The following GUCA1C variants were observed in gnomAD, a reference collection of about 807,000 sequenced individuals.
GUCA1C encodes guanylyl cyclase-activating protein 3.
Under a neutral mutation model 16.2 loss-of-function variants are expected in GUCA1C, and 15 were observed. The observed-to-expected ratio is 0.93, with a 90% CI of 0.62 to 1.43. The LOEUF is 1.43. Ranked by LOEUF, GUCA1C falls within the 40% of genes most tolerant of loss-of-function variation. The probability of loss-of-function intolerance (pLI) is 0.00; values close to 1 mark genes in which losing one functional copy is unlikely to be tolerated. For missense variants in GUCA1C, 275 were observed against 244.8 expected (o/e 1.12, Z -0.82); for synonymous variants, 78 against 85.4 (o/e 0.91, Z 0.48).
intron 1 of GUCA1C, among the ~76,000 whole-genome samples, chr3:108,949,085 T>A (rs1490236006): frequency 6.6e-6 from 1 of 152,132 alleles, no homozygotes; most frequent in Non-Finnish European, 1.5e-5. Flanking sequence ...TGACCTCAAG[T>A]GATTTGCCTG....
intron 1 of GUCA1C, among the ~76,000 whole-genome samples, chr3:108,933,623 C>T (rs1946692735): frequency 6.6e-6 from 1 of 152,166 alleles, no homozygotes; most frequent in South Asian, 2.1e-4. Context: ...ATCAAAACCA[C>T]AGTGAGATAT....
At chr3:108,936,094 G>A (rs564464743) in intron 1 of GUCA1C, among the ~76,000 whole-genome samples, 1 of 152,100 alleles carries the variant, frequency 6.6e-6, no homozygotes, top group African/African-American at 2.4e-5. Flanking sequence ...GTGAAGCCCC[G>A]TCTCTACAAA....
intron 1 of GUCA1C, among the ~76,000 whole-genome samples, chr3:108,944,078 G>A (rs530777197): frequency 6.6e-6 from 1 of 152,016 alleles, no homozygotes; most frequent in Non-Finnish European, 1.5e-5. Context: ...ATAAAGAAAA[G>A]AAATATATTT....
intron 1 of GUCA1C, among the ~76,000 whole-genome samples, chr3:108,930,687 T>C (rs1946658910): frequency 2.0e-5 from 3 of 152,210 alleles, no homozygotes; most frequent in Admixed American, 2.0e-4. Flanking sequence ...ATACTTCTTA[T>C]AAGAGATAAG....
intron 1 of GUCA1C, among the ~76,000 whole-genome samples, chr3:108,922,813 C>G (rs1272766323): frequency 6.6e-6 from 1 of 152,088 alleles, no homozygotes; most frequent in East Asian, 1.9e-4. Flanking sequence ...CTAATGCTAT[C>G]CCTCCCCTAG....
At chr3:108,939,475 C>T (rs1324732365) in intron 1 of GUCA1C, among the ~76,000 whole-genome samples, 5 of 151,002 alleles carry the variant, frequency 3.3e-5, no homozygotes, top group South Asian at 2.1e-4. Flanking sequence ...TACAGGCGCC[C>T]GCCACCATGC....
At position 108,919,991 on chromosome 3, in the gene GUCA1C, A is replaced by G. The variant is rs370521840; in HGVS notation, c.354+445T>C. ...TTATTGAACTTTAGATATGGAAAAG[A>G]TCTGAGATCCCTGAACCAACTATTA... On this transcript the variant is annotated intron_variant, in intron 2 of 3. Transcript: ENST00000261047. Among the ~76,000 whole-genome samples the G allele has an allele frequency of 1.5e-4, 23 of 152,272 alleles. 1 individual carries two copies. In the East Asian group the frequency reaches 1.9e-3, roughly 13 times the overall value.
At chr3:108,933,474 G>C (rs1410041652) in intron 1 of GUCA1C, among the ~76,000 whole-genome samples, 6 of 152,080 alleles carry the variant, frequency 3.9e-5, no homozygotes, top group Admixed American at 3.9e-4. Flanking sequence ...AGGGAGTTTG[G>C]CTCCATTATA....
chr3:108,913,932 G>A (rs972785989), intron 3 of GUCA1C, among the ~76,000 whole-genome samples: 1 of 151,938 alleles, frequency 6.6e-6, no homozygotes, highest in Non-Finnish European at 1.5e-5. Flanking sequence ...TGGGCATGGT[G>A]GGGGGAGCCT....
intron 2 of GUCA1C, among the ~76,000 whole-genome samples, chr3:108,917,750 T>G (rs1946531792): frequency 1.3e-5 from 2 of 152,094 alleles, no homozygotes; most frequent in South Asian, 4.1e-4. Flanking sequence ...CGCTTAGAAT[T>G]TCTTAAAATC....
chr3:108,931,380 T>C (rs1946664411), intron 1 of GUCA1C, among the ~76,000 whole-genome samples: 1 of 152,252 alleles, frequency 6.6e-6, no homozygotes, highest in Admixed American at 6.5e-5. Flanking sequence ...TACCATGAGA[T>C]GCACATAAAT....
intron 1 of GUCA1C, among the ~76,000 whole-genome samples, chr3:108,922,083 G>C (rs541201330): frequency 6.6e-6 from 1 of 151,284 alleles, no homozygotes; most frequent in Non-Finnish European, 1.5e-5. Context: ...TTTTTTCCAG[G>C]TTGCTGTGAA....
rs1374019000 is a variant in GUCA1C at position 108,943,942 on chromosome 3, ACC to A, written c.204+9615_204+9616del. ...TCTCCAATCTCATCCAGGTCACTCC[ACC>A]TGTACCCCAATAACTTATAGAAAAA... On this transcript the variant is annotated intron_variant, in intron 1 of 3. Transcript: ENST00000261047. 3.3e-5 allele frequency among the ~76,000 whole-genome samples: 5 copies of A among 152,252 alleles called. No individual in the cohort carries two copies. The East Asian group carries it at 9.6e-4, about 29-fold the overall frequency.
At chr3:108,925,787 A>G (rs1946617924) in intron 1 of GUCA1C, among the ~76,000 whole-genome samples, 1 of 152,102 alleles carries the variant, frequency 6.6e-6, no homozygotes, top group South Asian at 2.1e-4. Context: ...ATAATTGTTT[A>G]TAAATTTGGG....
At chr3:108,914,541 T>C (rs952999347) in intron 3 of GUCA1C, among the ~76,000 whole-genome samples, 7 of 152,212 alleles carry the variant, frequency 4.6e-5, no homozygotes, top group Non-Finnish European at 8.8e-5. Context: ...ATGGATATTA[T>C]TAAACATTCT....
At chr3:108,943,297 T>G (rs2107313212) in intron 1 of GUCA1C, among the ~76,000 whole-genome samples, 1 of 152,082 alleles carries the variant, frequency 6.6e-6, no homozygotes, top group South Asian at 2.1e-4. Context: ...AAACACCACG[T>G]TTGGCAATTG....
At chr3:108,925,626 T>C (rs954049567) in intron 1 of GUCA1C, among the ~76,000 whole-genome samples, 3 of 152,222 alleles carry the variant, frequency 2.0e-5, no homozygotes, top group Non-Finnish European at 2.9e-5. Context: ...TCTGTAAATA[T>C]GTGTTAAGTC....
intron 2 of GUCA1C, among the ~76,000 whole-genome samples, chr3:108,917,496 T>A (rs1046698999): frequency 4.6e-5 from 7 of 152,158 alleles, no homozygotes; most frequent in African/African-American, 1.7e-4. Flanking sequence ...TTTCTTCTTC[T>A]TCTTTCCTTC....
At chr3:108,938,148 TA>T (rs1946747900) in intron 1 of GUCA1C, among the ~76,000 whole-genome samples, 1 of 152,132 alleles carries the variant, frequency 6.6e-6, no homozygotes, top group African/African-American at 2.4e-5. Context: ...CTCTCTAATT[TA>T]GGAAAACAAT....
Sources: allele counts gnomAD v4.1 joint callset (sites outside exome capture counted in the v4.1 genomes callset), GRCh38; gene constraint gnomAD v4.1.1; transcripts MANE v1.5; gene names NCBI Gene and HGNC (gene_info 2026-07-23, HGNC 2026-07-21).